DLGAP1: variants seen among roughly 807,000 people sequenced by gnomAD.
The protein encoded by DLGAP1 is disks large-associated protein 1.
DLGAP1 carries 11 observed loss-of-function variants against 90.8 expected under a neutral mutation model. That is an observed-to-expected ratio of 0.12 (90% CI 0.08 to 0.20). The LOEUF (loss-of-function observed/expected upper bound fraction) is 0.20, where lower values mean the gene tolerates loss of function less well. Among genes scored for constraint, DLGAP1 ranks in the 10% least tolerant of loss-of-function variants. The pLI is 1.00. For missense variants in DLGAP1, 1,050 were observed against 1,333.8 expected (o/e 0.79, Z 3.31); for synonymous variants, 558 against 540.7 (o/e 1.03, Z -0.44).
At chr18:4,140,937 T>A (rs1019135955) in intron 2 of DLGAP1, among the ~76,000 whole-genome samples, 12 of 152,034 alleles carry the variant, frequency 7.9e-5, no homozygotes, top group Non-Finnish European at 1.6e-4. Context: ...TATTTGTTTT[T>A]TTCTCTTGGG....
At chr18:3,583,770 A>G (rs2055712277) in intron 7 of DLGAP1, among the ~76,000 whole-genome samples, 1 of 152,112 alleles carries the variant, frequency 6.6e-6, no homozygotes, top group Non-Finnish European at 1.5e-5. Context: ...CAACATGGTG[A>G]AACCTCATCT....
intron 3 of DLGAP1, among the ~76,000 whole-genome samples, chr18:3,992,613 G>T (rs1360341883): frequency 6.6e-6 from 1 of 152,164 alleles, no homozygotes; most frequent in Non-Finnish European, 1.5e-5. Flanking sequence ...GAGAGGCAGA[G>T]GCTGCAGTGA....
intron 8 of DLGAP1, chr18:3,580,780 ATGGTCAGGGG>A: frequency 6.2e-7 from 1 of 1,609,032 alleles, no homozygotes; most frequent in Non-Finnish European, 8.5e-7. Context: ...TGCAGTGTGC[ATGGTCAGGGG>A]TGGTGCCGAA....
chr18:4,376,839 G>A (rs773320023), intron 1 of DLGAP1, among the ~76,000 whole-genome samples: 8 of 152,082 alleles, frequency 5.3e-5, no homozygotes, highest in Non-Finnish European at 8.8e-5. Context: ...TCAGGTGTTC[G>A]AACTTGGCAT....
chr18:3,555,061 C>T (rs2053673550), intron 9 of DLGAP1, among the ~76,000 whole-genome samples: 2 of 152,096 alleles, frequency 1.3e-5, no homozygotes, highest in African/African-American at 4.8e-5. Context: ...AAAAATACCC[C>T]TCAGCTGTCA....
intron 7 of DLGAP1, among the ~76,000 whole-genome samples, chr18:3,682,116 C>CAAA (rs56914443): frequency 6.8e-4 from 76 of 111,948 alleles, no homozygotes; most frequent in African/African-American, 1.8e-3. Flanking sequence ...GACCCTGTCT[C>CAAA]AAAAAAAAAA....
chr18:4,308,960 G>A (rs868805057), intron 1 of DLGAP1, among the ~76,000 whole-genome samples: 63 of 152,268 alleles, frequency 4.1e-4, no homozygotes, highest in African/African-American at 1.4e-3. Flanking sequence ...CTTAACAAGC[G>A]GATTGAAAAG....
chr18:4,295,042 CG>C (rs1381225275), intron 1 of DLGAP1: 1 of 152,222 alleles, frequency 6.6e-6, no homozygotes, highest in African/African-American at 2.4e-5. Flanking sequence ...GGAGTTTATA[CG>C]GGTACAGGAC....
chr18:3,659,392 T>TACACAC (rs1491197412), intron 7 of DLGAP1, among the ~76,000 whole-genome samples: 1 of 70,266 alleles, frequency 1.4e-5, no homozygotes, highest in Non-Finnish European at 2.5e-5. Flanking sequence ...CACATACATT[T>TACACAC]ATACACACAC....
chr18:3,856,082 C>A (rs933259979), intron 4 of DLGAP1, among the ~76,000 whole-genome samples: 2 of 152,096 alleles, frequency 1.3e-5, no homozygotes, highest in African/African-American at 4.8e-5. Context: ...AGGAGTCAAT[C>A]TATGTGTAAT....
intron 1 of DLGAP1, among the ~76,000 whole-genome samples, chr18:4,441,061 T>C (rs528289910): frequency 6.6e-6 from 1 of 152,316 alleles, no homozygotes; most frequent in African/African-American, 2.4e-5. Flanking sequence ...TTCTAACATC[T>C]TTTTTTACCC....
In DLGAP1 at chr18:4,079,871, T is replaced by C. The variant is rs185891603; in HGVS notation, c.-159+71309A>G. On this transcript the variant is annotated intron_variant, in intron 2 of 12. Coordinates refer to ENST00000315677, the MANE Select transcript of DLGAP1 (RefSeq NM_004746.4). ...TCCTAGGAGTAGCAATAGACTTGCCTTGTCAAGGAGAGAGAAAAGAAGCAG... is the reference window on the plus strand; with the variant it reads ...TCCTAGGAGTAGCAATAGACTTGCCCTGTCAAGGAGAGAGAAAAGAAGCAG... Among the ~76,000 whole-genome samples, 4 of 152,222 alleles carry C rather than the reference T, an allele frequency of 2.6e-5. No homozygotes were observed. The East Asian group carries it at 7.7e-4, about 29-fold the overall frequency.
At chr18:4,029,128 G>C (rs2074751669) in intron 2 of DLGAP1, among the ~76,000 whole-genome samples, 1 of 151,940 alleles carries the variant, frequency 6.6e-6, no homozygotes, top group Admixed American at 6.6e-5. Flanking sequence ...TCTATGCCTG[G>C]CTTATTTCAC....
At position 3,500,981 on chromosome 18, in the gene DLGAP1, A is replaced by G. The variant is rs532056943; in HGVS notation, c.2724+1512T>C. On this transcript the variant is annotated intron_variant, in intron 12 of 12. Coordinates refer to ENST00000315677, the MANE Select transcript of DLGAP1 (RefSeq NM_004746.4). ...CAGGCTGGAGTGCAGTGGCGCAACC[A>G]CGGCTCACTGCAGACTCAAACTCTC... 2.1e-3 allele frequency among the ~76,000 whole-genome samples: 326 copies of G among 152,106 alleles called. 1 individual carries two copies. Among genetic ancestry groups the G allele is most frequent in the African/African-American group, 7.7e-3 (318 of 41,508 alleles).
At chr18:3,555,169 TATTGGTA>T (rs2053679402) in intron 9 of DLGAP1, among the ~76,000 whole-genome samples, 1 of 152,108 alleles carries the variant, frequency 6.6e-6, no homozygotes, top group African/African-American at 2.4e-5. Context: ...AGACAGAAGG[TATTGGTA>T]ATCCCTTCTT....
chr18:4,249,265 C>A (rs1490094631), intron 1 of DLGAP1, among the ~76,000 whole-genome samples: 1 of 152,100 alleles, frequency 6.6e-6, no homozygotes, highest in Non-Finnish European at 1.5e-5. Context: ...GAGAACACTG[C>A]CGGGCACAAA....
chr18:4,337,944 T>A (rs648989), intron 1 of DLGAP1, among the ~76,000 whole-genome samples: 131,364 of 152,140 alleles, frequency 0.86, 56,854 homozygotes, highest in Middle Eastern at 0.91. Flanking sequence ...TCCCTTCACT[T>A]CTGTTTCGCT....
chr18:4,267,975 T>C (rs1235731528), intron 1 of DLGAP1, among the ~76,000 whole-genome samples: 1 of 152,220 alleles, frequency 6.6e-6, no homozygotes, highest in African/African-American at 2.4e-5. Context: ...ATTCTATTGG[T>C]CACATATCAT....
intron 2 of DLGAP1, among the ~76,000 whole-genome samples, chr18:4,057,485 G>A (rs1445235977): frequency 6.6e-6 from 1 of 152,180 alleles, no homozygotes; most frequent in Non-Finnish European, 1.5e-5. Flanking sequence ...GGAAGAATCA[G>A]GGGAGAAGGA....
Sources: allele counts gnomAD v4.1 joint callset (sites outside exome capture counted in the v4.1 genomes callset), GRCh38; gene constraint gnomAD v4.1.1; transcripts MANE v1.5; gene names NCBI Gene and HGNC (gene_info 2026-07-23, HGNC 2026-07-21).